The following ANK1 variants were observed in gnomAD, a reference collection of about 807,000 sequenced individuals.
ANK1 encodes ankyrin 1, also known as ankyrin-1.
ANK1 carries 51 observed loss-of-function variants against 210.4 expected under a neutral mutation model. The observed-to-expected ratio is 0.24, with a 90% confidence interval of 0.19 to 0.31. The LOEUF (loss-of-function observed/expected upper bound fraction) is 0.31. ANK1 is among the 10% of genes least tolerant of loss of function. The pLI, the probability that ANK1 is intolerant of heterozygous loss-of-function variation, is 1.00. For missense variants in ANK1, 2,051 were observed against 2,504.4 expected (o/e 0.82, Z 3.86); for synonymous variants, 967 against 1,025.9 (o/e 0.94, Z 1.10).
intron 1 of ANK1, among the ~76,000 whole-genome samples, chr8:41,805,611 TGA>T (rs928170501): frequency 6.6e-6 from 1 of 152,210 alleles, no homozygotes; most frequent in African/African-American, 2.4e-5. Context: ...AAATTAAAAC[TGA>T]GAGTTTCTAA....
At chr8:41,884,462 C>A (rs191030568) in intron 1 of ANK1, among the ~76,000 whole-genome samples, 5 of 152,302 alleles carry the variant, frequency 3.3e-5, no homozygotes, top group Non-Finnish European at 5.9e-5. Flanking sequence ...CTGCATCCAG[C>A]GTCCCTCAGG....
intron 1 of ANK1, among the ~76,000 whole-genome samples, chr8:41,819,854 C>T (rs1309861175): frequency 1.3e-5 from 2 of 152,214 alleles, no homozygotes; most frequent in African/African-American, 2.4e-5. Context: ...AGGAGAATCT[C>T]ATCCATTTTC....
At chr8:41,665,033 C>T (rs1809984665) in intron 39 of ANK1, 1 of 1,612,628 alleles carries the variant, frequency 6.2e-7, no homozygotes, top group Non-Finnish European at 8.5e-7. Flanking sequence ...TCCTCGCCTC[C>T]TCACCAGCCC....
chr8:41,672,890 C>T lies in ANK1; in HGVS notation c.4560G>A (p.Glu1520=). Residue 1520 remains glutamate (E), a synonymous_variant, in exon 38 of 43, where the codon GAG becomes GAA. Transcript: ENST00000289734. ...AGCCCAGGGAGGCAGGGGACAGCAGCTCGTCCTGCAGTGAGGAGTAACCTG... is the reference window on the plus strand; with the variant it reads ...AGCCCAGGGAGGCAGGGGACAGCAGTTCGTCCTGCAGTGAGGAGTAACCTG... The part of the protein sequence containing the change: ...QMNGYSSLQD[E]LLSPASLGCA... The T allele has an allele frequency of 2.5e-6, 4 of 1,603,574 alleles. No homozygotes were observed. The South Asian group carries it at 4.4e-5, about 18-fold the overall frequency.
At chr8:41,782,792 T>C (rs1010100678) in intron 1 of ANK1, among the ~76,000 whole-genome samples, 3 of 152,200 alleles carry the variant, frequency 2.0e-5, no homozygotes, top group Non-Finnish European at 2.9e-5. Flanking sequence ...TAAATCTGGA[T>C]CCGAAATTAG....
chr8:41,775,132 G>C (rs577687231), intron 1 of ANK1, among the ~76,000 whole-genome samples: 1 of 151,950 alleles, frequency 6.6e-6, no homozygotes, highest in African/African-American at 2.4e-5. Context: ...GTTTCTGAAG[G>C]ATGCCCAGGC....
intron 1 of ANK1, among the ~76,000 whole-genome samples, chr8:41,846,391 T>C (rs1005548543): frequency 3.3e-5 from 5 of 152,178 alleles, no homozygotes; most frequent in African/African-American, 1.2e-4. Context: ...GAGCACCAGA[T>C]GAGCCGGGCC....
intron 1 of ANK1, among the ~76,000 whole-genome samples, chr8:41,802,958 GGAGA>G (rs200138216): frequency 7.9e-5 from 4 of 50,492 alleles, no homozygotes; most frequent in African/African-American, 1.1e-4. Context: ...AGGGGGGGGG[GGAGA>G]GAGAGAGAGA....
In ANK1 at chr8:41,693,878, G is replaced by C; in HGVS notation, c.3532+20C>G. The C allele has an allele frequency of 3.8e-6, 6 of 1,593,002 alleles. No homozygotes were observed. The highest frequency in any genetic ancestry group is 5.1e-6 in the Non-Finnish European group (6 of 1,170,572). Reference sequence around the variant, plus strand: ...CACTGCAGCAGCCGAGAACAGAAGCGAGGCAGGGGCCCCTCTCACCAATGA... The same window carrying C: ...CACTGCAGCAGCCGAGAACAGAAGCCAGGCAGGGGCCCCTCTCACCAATGA... On this transcript the variant is annotated intron_variant, in intron 29 of 42. Transcript: ENST00000289734.
At chr8:41,752,800 C>CCCCG (rs1385557395) in intron 2 of ANK1, among the ~76,000 whole-genome samples, 1 of 151,434 alleles carries the variant, frequency 6.6e-6, no homozygotes, top group African/African-American at 2.4e-5. Flanking sequence ...ACACACAGGC[C>CCCCG]CCCCCCCACT....
chr8:41,851,463 GGT>G (rs879268359), intron 1 of ANK1, among the ~76,000 whole-genome samples: 1 of 152,248 alleles, frequency 6.6e-6, no homozygotes, highest in Non-Finnish European at 1.5e-5. Flanking sequence ...GGCAAGCAGT[GGT>G]GTTGACTGCT....
At chr8:41,777,465 C>G (rs1162666819) in intron 1 of ANK1, among the ~76,000 whole-genome samples, 1 of 152,068 alleles carries the variant, frequency 6.6e-6, no homozygotes, top group African/African-American at 2.4e-5. Context: ...ATCCCACCTA[C>G]CCAGGAGGCT....
At chr8:41,862,374 C>G (rs916094688) in intron 1 of ANK1, among the ~76,000 whole-genome samples, 1 of 152,102 alleles carries the variant, frequency 6.6e-6, no homozygotes, top group Non-Finnish European at 1.5e-5. Flanking sequence ...AGGCAGGGAG[C>G]ACCTCCCAGC....
intron 1 of ANK1, among the ~76,000 whole-genome samples, chr8:41,836,136 C>T (rs755967931): frequency 1.3e-5 from 2 of 152,246 alleles, no homozygotes; most frequent in Non-Finnish European, 2.9e-5. Context: ...ACTTCAGCCA[C>T]TCTGGGAGAC....
At chr8:41,682,450 C>A (rs1252892721) in intron 37 of ANK1, among the ~76,000 whole-genome samples, 1 of 152,280 alleles carries the variant, frequency 6.6e-6, no homozygotes, top group Non-Finnish European at 1.5e-5. Flanking sequence ...TCCACAAAGG[C>A]AGAGTTTTGT....
Position 41,690,567 on chromosome 8 carries a change from G to A in ANK1, c.3891C>T (p.Leu1297=). ...TCTTCACAGGCACCAGGTTCCCAGA[G>A]AGTTCTGCAAACAGGGACATTCCTT... The part of the protein sequence containing the change: ...VLEGMSLFAE[L]SGNLVPVKKA... The change falls in exon 32 of 43, where the codon CTC becomes CTT. Residue 1297 remains leucine, a synonymous_variant. Coordinates refer to ENST00000289734, the MANE Select transcript of ANK1 (RefSeq NM_000037.4). 6.2e-7 allele frequency: 1 copy of A among 1,613,796 alleles called. No homozygotes were observed. The highest frequency in any genetic ancestry group is 8.5e-7 in the Non-Finnish European group (1 of 1,179,904).
intron 1 of ANK1, among the ~76,000 whole-genome samples, chr8:41,837,073 G>A (rs1218436725): frequency 6.6e-6 from 1 of 152,178 alleles, no homozygotes; most frequent in Non-Finnish European, 1.5e-5. Flanking sequence ...CCAGCAAAAC[G>A]TCCATTGAGA....
intron 17 of ANK1, among the ~76,000 whole-genome samples, chr8:41,706,945 C>T (rs1280166579): frequency 3.9e-5 from 6 of 152,084 alleles, no homozygotes; most frequent in Non-Finnish European, 8.8e-5. Flanking sequence ...ACTAAAAATA[C>T]AAAAATAAGC....
intron 14 of ANK1, 51 bp downstream of exon 14, chr8:41,715,601 C>A (rs1364407575): frequency 2.5e-6 from 4 of 1,605,720 alleles, no homozygotes; most frequent in Non-Finnish European, 2.6e-6. Context: ...AGCTCCAGGC[C>A]TGGCTGAGTG....
Sources: gnomAD v4.1 joint callset for allele counts (sites outside exome capture counted in the v4.1 genomes callset) on GRCh38, gnomAD v4.1.1 for gene constraint, MANE v1.5 for transcripts, NCBI Gene and HGNC (gene_info 2026-07-23, HGNC 2026-07-21) for gene names.